Variants in DOCK2 observed in about 807,000 individuals in gnomAD.
The protein encoded by DOCK2 is dedicator of cytokinesis 2.
DOCK2 carries 87 observed loss-of-function variants against 248.9 expected under a neutral mutation model. The observed-to-expected ratio is 0.35, with a 90% confidence interval of 0.29 to 0.42. DOCK2 has a LOEUF of 0.42. Among genes scored for constraint, DOCK2 ranks in the 10% least tolerant of loss-of-function variants. The probability of loss-of-function intolerance (pLI) is 1.00; values close to 1 mark genes in which losing one functional copy is unlikely to be tolerated. For missense variants in DOCK2, 1,747 were observed against 2,300.2 expected, an observed-to-expected ratio of 0.76 and a Z score of 4.92; for synonymous variants, 805 against 821.6, an observed-to-expected ratio of 0.98 and a Z score of 0.35.
At chr5:169,895,472 C>CA (rs1773540548) in intron 27 of DOCK2, among the ~76,000 whole-genome samples, 1 of 152,074 alleles carries the variant, frequency 6.6e-6, no homozygotes, top group African/African-American at 2.4e-5. Context: ...CACCTATACT[C>CA]ACCTGAGTCT....
chr5:170,056,630 G>A, intron 42 of DOCK2, 54 bp from the exon 43 acceptor site: 2 of 1,488,152 alleles, frequency 1.3e-6, no homozygotes, highest in East Asian at 2.3e-5. Context: ...GTCAGATCGG[G>A]TGTCAGCAGC....
Position 169,939,837 on chromosome 5 carries a change from G to A in DOCK2, c.2800-43231G>A, listed in dbSNP as rs74782213. ...TCAACCTAGAGTTAGCTCCTTCTCT[G>A]TGTCAGGCACTGAATAAGGTACTTT... On this transcript the variant is annotated intron_variant, in intron 27 of 51. Transcript: ENST00000520908. 7.9e-3 allele frequency among the ~76,000 whole-genome samples: 1,204 copies of A among 152,318 alleles called. 56 individuals are homozygous for A. The East Asian group carries it at 0.13, about 17-fold the overall frequency.
chr5:169,852,651 G>A (rs1312197949), intron 27 of DOCK2, among the ~76,000 whole-genome samples: 4 of 152,184 alleles, frequency 2.6e-5, no homozygotes, highest in Admixed American at 2.6e-4. Flanking sequence ...ACTTCACAAG[G>A]CTTAACACAT....
intron 27 of DOCK2, among the ~76,000 whole-genome samples, chr5:169,954,948 G>C (rs1194655884): frequency 6.6e-6 from 1 of 152,188 alleles, no homozygotes; most frequent in Non-Finnish European, 1.5e-5. Flanking sequence ...ACCTAGCAGG[G>C]GCATTAGGAA....
At chr5:169,830,491 T>C (rs1769154511) in intron 26 of DOCK2, among the ~76,000 whole-genome samples, 1 of 152,228 alleles carries the variant, frequency 6.6e-6, no homozygotes, top group South Asian at 2.1e-4. Context: ...TCTATTTTTT[T>C]GCACCTCATA....
At chr5:169,859,207 G>T (rs1387753183) in intron 27 of DOCK2, among the ~76,000 whole-genome samples, 2 of 152,156 alleles carry the variant, frequency 1.3e-5, no homozygotes, top group African/African-American at 4.8e-5. Flanking sequence ...GCCAACGGAT[G>T]CATCCCTGCT....
chr5:169,713,833 T>C (rs1243518133), intron 17 of DOCK2, among the ~76,000 whole-genome samples, 195 bp from the exon 18 acceptor site: 1 of 152,206 alleles, frequency 6.6e-6, no homozygotes, highest in African/African-American at 2.4e-5. Context: ...TTTCTATTAA[T>C]GTGTCTTTGA....
chr5:170,021,247 C>T (rs781729082), intron 33 of DOCK2, among the ~76,000 whole-genome samples: 2 of 152,164 alleles, frequency 1.3e-5, no homozygotes, highest in Non-Finnish European at 1.5e-5. Flanking sequence ...TGTTTGAAGG[C>T]AGCTTGGAAT....
chr5:169,675,838 G>A (rs1449879078), intron 6 of DOCK2, among the ~76,000 whole-genome samples: 2 of 152,218 alleles, frequency 1.3e-5, no homozygotes, highest in Admixed American at 1.3e-4. Flanking sequence ...GGAGAGGAAA[G>A]TCAATGGCTC....
intron 25 of DOCK2, among the ~76,000 whole-genome samples, chr5:169,777,301 G>A (rs777811066): frequency 1.3e-5 from 2 of 152,150 alleles, no homozygotes; most frequent in Admixed American, 6.5e-5. Flanking sequence ...TCACAACTCC[G>A]CCGTTATCCT....
At chr5:169,866,991 G>A (rs1021691818) in intron 27 of DOCK2, among the ~76,000 whole-genome samples, 2 of 152,202 alleles carry the variant, frequency 1.3e-5, no homozygotes, top group Admixed American at 6.5e-5. Context: ...ACAAGTCCGG[G>A]ACCTTGGAAC....
chr5:169,993,592 C>T (rs1778263356), intron 29 of DOCK2, among the ~76,000 whole-genome samples: 1 of 137,664 alleles, frequency 7.3e-6, no homozygotes, highest in Non-Finnish European at 1.6e-5. Context: ...TCCTGTGATT[C>T]CAGTGCCAGG....
At chr5:169,954,118 C>T (rs948301206) in intron 27 of DOCK2, among the ~76,000 whole-genome samples, 6 of 152,186 alleles carry the variant, frequency 3.9e-5, no homozygotes, top group African/African-American at 1.4e-4. Flanking sequence ...CTGAAAGTCA[C>T]CCACATTTCA....
Position 170,010,265 on chromosome 5 carries a change from G to C in DOCK2, c.3232+1519G>C, listed in dbSNP as rs571585243. ...GCCAAATATCCCCTGGGAGAAGGGG[G>C]TGCCACCTCTACCCTGTTTTTCTAG... On this transcript the variant is annotated intron_variant, in intron 32 of 51. Coordinates refer to ENST00000520908, the MANE Select transcript of DOCK2 (RefSeq NM_004946.3). Among the ~76,000 whole-genome samples the C allele has an allele frequency of 2.6e-5, 4 of 152,286 alleles. No individual in the cohort carries two copies. In the East Asian group the frequency reaches 7.7e-4, roughly 29 times the overall value.
At chr5:170,047,309 G>T (rs981701376) in intron 39 of DOCK2, among the ~76,000 whole-genome samples, 1 of 152,176 alleles carries the variant, frequency 6.6e-6, no homozygotes, top group Non-Finnish European at 1.5e-5. Context: ...ACTAGTGCAG[G>T]TAGAGTGATT....
At chr5:169,798,442 A>G (rs1613153) in intron 25 of DOCK2, among the ~76,000 whole-genome samples, 2,585 of 152,326 alleles carry the variant, frequency 0.017, 77 homozygotes, top group African/African-American at 0.059. Context: ...TGACTTACCA[A>G]GGAGATCTTT....
chr5:170,035,293 C>T (rs556907359), intron 35 of DOCK2, among the ~76,000 whole-genome samples: 8 of 152,298 alleles, frequency 5.3e-5, no homozygotes, highest in Admixed American at 2.0e-4. Context: ...CAAAAGGCCA[C>T]GTGACATCCA....
intron 27 of DOCK2, among the ~76,000 whole-genome samples, chr5:169,885,722 A>G (rs1481686846): frequency 6.6e-6 from 1 of 152,226 alleles, no homozygotes; most frequent in Non-Finnish European, 1.5e-5. Flanking sequence ...CCAAGCCATA[A>G]CTCATTCATT....
intron 27 of DOCK2, chr5:169,882,484 T>A: frequency 1.5e-6 from 2 of 1,319,080 alleles, no homozygotes; most frequent in Non-Finnish European, 2.1e-6. Context: ...AAACCAAAGC[T>A]GTCTCTGCCC....
Sources: allele counts gnomAD v4.1 joint callset (sites outside exome capture counted in the v4.1 genomes callset), GRCh38; gene constraint gnomAD v4.1.1; transcripts MANE v1.5; gene names NCBI Gene and HGNC (gene_info 2026-07-23, HGNC 2026-07-21).